Variants in CEACAM5 observed in about 807,000 individuals in gnomAD.
CEACAM5 encodes cell adhesion molecule CEACAM5.
In CEACAM5, 52 loss-of-function variants were observed where a neutral mutation model predicts 63.0. That is an observed-to-expected ratio of 0.83 (90% confidence interval 0.66 to 1.04). The LOEUF (loss-of-function observed/expected upper bound fraction) is 1.04. CEACAM5 is among the 50% of genes least tolerant of loss of function. The pLI is 0.00. For synonymous variants in CEACAM5, 357 were observed against 351.3 expected (o/e 1.02, Z -0.18); for missense variants, 790 against 864.8 (o/e 0.91, Z 1.08).
intron 9 of CEACAM5, among the ~76,000 whole-genome samples, chr19:41,728,880 G>A (rs2072735994): frequency 1.3e-5 from 2 of 152,082 alleles, no homozygotes; most frequent in Middle Eastern, 3.4e-3. Context: ...GCTCCACCAG[G>A]AAATTAGGAA....
chr19:41,710,165 T>G (rs1259990484), intron 2 of CEACAM5, 126 bp downstream of exon 2: 1 of 1,369,424 alleles, frequency 7.3e-7, no homozygotes, highest in Non-Finnish European at 1.0e-6. Flanking sequence ...GTTTGGGCAT[T>G]TAGTGCAGGA....
Position 41,729,837 on chromosome 19 carries a change from G to C in CEACAM5, c.*690G>C, listed in dbSNP as rs1555817879. On this transcript the variant is annotated 3_prime_UTR_variant, in exon 10 of 10. Transcript: ENST00000221992. The stretch of plus-strand genomic sequence containing the variant: ...ATTTTCTCCCTATGTGGTCGCTCCA[G>C]ACTTGGGAAACTATTCATGAATATT... 6.6e-6 allele frequency: 1 copy of C among 152,158 alleles called. No individual in the cohort carries two copies. The highest frequency in any genetic ancestry group is 1.5e-5 in the Non-Finnish European group (1 of 68,040). The allele number at this position is 152,158 out of a possible 1,614,324, so 9.4% of individuals were successfully genotyped here. A position where few individuals can be genotyped will look rare whatever the true frequency, so the allele number is the denominator to read the frequency against.
intron 4 of CEACAM5, among the ~76,000 whole-genome samples, chr19:41,717,132 A>G (rs925189433): frequency 1.1e-4 from 16 of 152,192 alleles, no homozygotes; most frequent in Middle Eastern, 3.2e-3. Flanking sequence ...GAGGACCCCA[A>G]TGGGCCAGGC....
rs782213224 is a variant in CEACAM5, at chr19:41,720,048, T to C, written c.1611T>C (p.Asn537=). 8 of 1,614,076 alleles carry C rather than the reference T, an allele frequency of 5.0e-6. No homozygotes were observed. The Admixed American group carries it at 6.7e-5, about 13-fold the overall frequency. The change falls in exon 7 of 10, where the codon AAT becomes AAC. Residue 537 remains asparagine, a synonymous_variant. Coordinates refer to ENST00000221992, the MANE Select transcript of CEACAM5 (RefSeq NM_004363.6). The part of the protein sequence containing the change: ...AQNTTYLWWV[N]GQSLPVSPRL... ...ACACAACCTACCTGTGGTGGGTAAATGGTCAGAGCCTCCCAGTCAGTCCCA... is the reference window on the plus strand; with the variant it reads ...ACACAACCTACCTGTGGTGGGTAAACGGTCAGAGCCTCCCAGTCAGTCCCA...
chr19:41,714,865 G>A lies in CEACAM5; in HGVS notation c.425-106G>A, dbSNP rs2072494027. The A allele has an allele frequency of 6.4e-6, 10 of 1,563,182 alleles. No homozygotes were observed. In the South Asian group the frequency reaches 9.7e-5, roughly 15 times the overall value. On this transcript the variant is annotated intron_variant, in intron 2 of 9. Coordinates refer to ENST00000221992, the MANE Select transcript of CEACAM5 (RefSeq NM_004363.6). ...ACATGCACCCACCGTGGGTTTTTAA[G>A]GGCTCAGGTGGGCTGAGAGGTGGAA...
At chr19:41,715,386 C>T in intron 3 of CEACAM5, 137 bp downstream of exon 3, 1 of 1,386,330 alleles carries the variant, frequency 7.2e-7, no homozygotes, top group Non-Finnish European at 1.0e-6. Context: ...TGACTTTCTG[C>T]CCCAGAAAAA....
intron 7 of CEACAM5, 22 bp from the exon 8 acceptor site, chr19:41,720,899 TG>T (rs2122819560): frequency 6.2e-7 from 1 of 1,613,288 alleles, no homozygotes; most frequent in Non-Finnish European, 8.5e-7. Flanking sequence ...ACATCACCTG[TG>T]GCTTTGTTCT....
At position 41,729,593 on chromosome 19, in the gene CEACAM5, T is replaced by C. The variant is rs529605660; in HGVS notation, c.*446T>C. The C allele has an allele frequency of 6.6e-6, 1 of 152,330 alleles. No homozygotes were observed. The highest frequency in any genetic ancestry group is 2.4e-5 in the African/African-American group (1 of 41,572). The allele number at this position is 152,330 out of a possible 1,614,324, so 9.4% of individuals were successfully genotyped here. On this transcript the variant is annotated 3_prime_UTR_variant, in exon 10 of 10. Transcript: ENST00000221992. ...TTTAATGAACTAACTGACAGCTTCA[T>C]GAAACTGTCCACCAAGATCAAGCAG...
intron 8 of CEACAM5, among the ~76,000 whole-genome samples, chr19:41,723,244 G>A (rs57569766): frequency 0.047 from 7,146 of 152,176 alleles, 261 homozygotes; most frequent in African/African-American, 0.1. Context: ...ATTTTTTGAG[G>A]AACCACCATA....
intron 1 of CEACAM5, 116 bp from the exon 2 acceptor site, chr19:41,709,564 A>ACACACACACACT (rs1309867435): frequency 3.0e-6 from 4 of 1,348,258 alleles, no homozygotes; most frequent in African/African-American, 2.9e-5. Flanking sequence ...ACACACACAC[A>ACACACACACACT]CACTCACTCA....
rs782669699 is a variant in CEACAM5 at position 41,720,033 on chromosome 19, C to T, written c.1596C>T (p.Tyr532=). 4 of 1,614,132 alleles carry T rather than the reference C, an allele frequency of 2.5e-6. No individual in the cohort carries two copies. In the Admixed American group the frequency reaches 5.0e-5, roughly 20 times the overall value. ...TCEPEAQNTT[Y]LWWVNGQSLP... is the part of the protein sequence containing the mutation. The stretch of plus-strand genomic sequence containing the variant: ...AACCTGAGGCTCAGAACACAACCTA[C>T]CTGTGGTGGGTAAATGGTCAGAGCC... The change falls in exon 7 of 10, where the codon TAC becomes TAT. Residue 532 remains tyrosine (Y), a synonymous_variant. Coordinates refer to ENST00000221992, the MANE Select transcript of CEACAM5 (RefSeq NM_004363.6).
At chr19:41,722,057 C>G (rs1411866446) in intron 8 of CEACAM5, among the ~76,000 whole-genome samples, 2 of 152,130 alleles carry the variant, frequency 1.3e-5, no homozygotes, top group Admixed American at 1.3e-4. Flanking sequence ...TAAAACTTAC[C>G]ATTAACCATT....
In CEACAM5 at chr19:41,712,721, A is replaced by G. The variant is rs917098982; in HGVS notation, c.425-2250A>G. Reference sequence around the variant, plus strand: ...ATAATGTGATCACTTTGGAATTCAGAGCAGACCTAAACCTTAGCATAATAT... The same window carrying G: ...ATAATGTGATCACTTTGGAATTCAGGGCAGACCTAAACCTTAGCATAATAT... On this transcript the variant is annotated intron_variant, in intron 2 of 9. Coordinates refer to ENST00000221992, the MANE Select transcript of CEACAM5 (RefSeq NM_004363.6). 2.0e-5 allele frequency among the ~76,000 whole-genome samples: 3 copies of G among 152,230 alleles called. No individual in the cohort carries two copies. The South Asian group carries it at 6.2e-4, about 31-fold the overall frequency.
intron 3 of CEACAM5, 179 bp from the exon 4 acceptor site, chr19:41,715,471 C>A: frequency 9.0e-7 from 1 of 1,117,226 alleles, no homozygotes; most frequent in Non-Finnish European, 1.3e-6. Context: ...AGGGTCCACA[C>A]CCTATGATGG....
intron 6 of CEACAM5, among the ~76,000 whole-genome samples, chr19:41,718,878 G>C (rs1382182033): frequency 1.3e-5 from 2 of 152,246 alleles, no homozygotes; most frequent in African/African-American, 4.8e-5. Flanking sequence ...GGCTCCCCCA[G>C]TGACTGGCCC....
At position 41,709,994 on chromosome 19, in the gene CEACAM5, T is replaced by A. The variant is rs2072410301; in HGVS notation, c.379T>A (p.Ser127Thr). ...ATTCTACACCCTACACGTCATAAAGTCAGATCTTGTGAATGAAGAAGCAAC... is the reference window on the plus strand; with the variant it reads ...ATTCTACACCCTACACGTCATAAAGACAGATCTTGTGAATGAAGAAGCAAC... ...TGFYTLHVIK[S>T]DLVNEEATGQ... The change falls in exon 2 of 10, where the codon TCA becomes ACA. Residue 127 changes from serine (S) to threonine (T), a missense_variant. Physicochemically the swap from Ser to Thr is moderately conservative, Grantham distance 58. Transcript: ENST00000221992. 2 of 1,611,352 alleles carry A rather than the reference T, an allele frequency of 1.2e-6. No individual in the cohort carries two copies. Among genetic ancestry groups the A allele is most frequent in the African/African-American group, 1.3e-5 (1 of 74,788 alleles).
chr19:41,711,091 C>G (rs2072428532), intron 2 of CEACAM5, among the ~76,000 whole-genome samples: 1 of 152,132 alleles, frequency 6.6e-6, no homozygotes, highest in Admixed American at 6.5e-5. Context: ...GCATCTGAGA[C>G]CAGTCATGGG....
rs140711018 is a variant in CEACAM5 at position 41,722,478 on chromosome 19, A to T, written c.2026+1302A>T. ...TCATCTTACCATACTAAACCTCTGT[A>T]CCCAATAAACAGTAACTCCTTCTCT... On this transcript the variant is annotated intron_variant, in intron 8 of 9. Coordinates refer to ENST00000221992, the MANE Select transcript of CEACAM5 (RefSeq NM_004363.6). Among the ~76,000 whole-genome samples, 1,128 of 152,204 alleles carry T rather than the reference A, an allele frequency of 7.4e-3. 6 individuals are homozygous for T. Among genetic ancestry groups the T allele is most frequent in the Middle Eastern group, 0.034 (10 of 294 alleles).
chr19:41,719,858 C>T (rs2072589116), intron 6 of CEACAM5, 72 bp from the exon 7 acceptor site: 1 of 1,597,856 alleles, frequency 6.3e-7, no homozygotes, highest in Admixed American at 1.7e-5. Context: ...GAGTTGCCAA[C>T]TCTGATTGAA....
Sources: gnomAD v4.1 joint callset for allele counts (sites outside exome capture counted in the v4.1 genomes callset) on GRCh38, gnomAD v4.1.1 for gene constraint, MANE v1.5 for transcripts, NCBI Gene and HGNC (gene_info 2026-07-23, HGNC 2026-07-21) for gene names.